DNAAF9: variants seen among roughly 807,000 people sequenced by gnomAD.
DNAAF9 encodes the protein shulin.
In DNAAF9, 90 loss-of-function variants were observed where a neutral mutation model predicts 167.0. The observed-to-expected ratio is 0.54, with a 90% CI of 0.45 to 0.64. DNAAF9 has a LOEUF of 0.64. DNAAF9 is among the 30% of genes least tolerant of loss of function. The probability of loss-of-function intolerance (pLI) is 0.00; values close to 1 mark genes in which losing one functional copy is unlikely to be tolerated. For missense variants in DNAAF9, 1,315 were observed against 1,442.2 expected, an observed-to-expected ratio of 0.91 and a Z score of 1.43; for synonymous variants, 491 against 508.8, an observed-to-expected ratio of 0.96 and a Z score of 0.47.
At chr20:3,299,058 G>A (rs1336394743) in intron 21 of DNAAF9, among the ~76,000 whole-genome samples, 1 of 149,770 alleles carries the variant, frequency 6.7e-6, no homozygotes, top group Non-Finnish European at 1.5e-5. Flanking sequence ...ACAGGTCCGT[G>A]CCACCATGCC....
intron 1 of DNAAF9, among the ~76,000 whole-genome samples, chr20:3,390,931 T>C (rs2083818088): frequency 6.6e-6 from 1 of 152,160 alleles, no homozygotes; most frequent in African/African-American, 2.4e-5. Context: ...AGTAGGCTGC[T>C]TTACTGCCAA....
chr20:3,275,718 T>C lies in DNAAF9; in HGVS notation c.2650+3194A>G, dbSNP rs138771170. 3.9e-5 allele frequency among the ~76,000 whole-genome samples: 6 copies of C among 152,320 alleles called. No homozygotes were observed. The East Asian group carries it at 9.6e-4, about 24-fold the overall frequency. Reference sequence around the variant, plus strand: ...CCATAGTGAGCGGTTCCACCTTGTTTGGGCCAGGAGCTTCCTTCTGTTCTG... The same window carrying C: ...CCATAGTGAGCGGTTCCACCTTGTTCGGGCCAGGAGCTTCCTTCTGTTCTG... On this transcript the variant is annotated intron_variant, in intron 29 of 36. Transcript: ENST00000252032.
At chr20:3,311,986 CTTTTT>C (rs775872212) in intron 20 of DNAAF9, among the ~76,000 whole-genome samples, 19 of 118,252 alleles carry the variant, frequency 1.6e-4, no homozygotes, top group Non-Finnish European at 9.3e-5. Context: ...TCTCTTTTTT[CTTTTT>C]TTTCTTTTTT....
intron 27 of DNAAF9, among the ~76,000 whole-genome samples, chr20:3,287,099 A>C (rs1434819979): frequency 6.6e-6 from 1 of 152,170 alleles, no homozygotes; most frequent in Non-Finnish European, 1.5e-5. Flanking sequence ...GCTTACAGAG[A>C]CTTCATGAGC....
Position 3,252,605 on chromosome 20 carries a change from C to G in DNAAF9, c.3501G>C (p.Gln1167His), listed in dbSNP as rs1404627700. 1 of 1,611,440 alleles carries G rather than the reference C, an allele frequency of 6.2e-7. No individual in the cohort carries two copies. The highest frequency in any genetic ancestry group is 2.2e-5 in the East Asian group (1 of 44,866). Residue 1167 changes from glutamine to histidine, a missense_variant, in exon 37 of 37, where the codon CAG (glutamine) becomes CAC (histidine). Gln to His is a conservative substitution (Grantham distance 24, BLOSUM62 0). Transcript: ENST00000252032. ...IEKYNQELEQ[Q>H]EYHDLFELKP is the part of the protein sequence containing the mutation. Reference sequence around the variant, plus strand: ...TCAGCTCAAAGAGGTCATGATACTCCTGCTGTTCCAGCTCCTGGTTATACT... The same window carrying G: ...TCAGCTCAAAGAGGTCATGATACTCGTGCTGTTCCAGCTCCTGGTTATACT...
At position 3,362,095 on chromosome 20, in the gene DNAAF9, T is replaced by C. The variant is rs181925750; in HGVS notation, c.613-2502A>G. ...TACAAATATTACAAAGGGGGGTGCTTCTGAGTATTTAGGTCCATATTCTAT... is the reference window on the plus strand; with the variant it reads ...TACAAATATTACAAAGGGGGGTGCTCCTGAGTATTTAGGTCCATATTCTAT... On this transcript the variant is annotated intron_variant, in intron 6 of 36. Coordinates refer to ENST00000252032, the MANE Select transcript of DNAAF9 (RefSeq NM_001009984.3). 9.2e-5 allele frequency: 129 copies of C among 1,397,354 alleles called. No individual in the cohort carries two copies. In the Middle Eastern group the frequency reaches 2.8e-3, roughly 30 times the overall value. 86.6% of individuals were successfully genotyped at this position (1,397,354 alleles called of 1,614,324 possible).
intron 16 of DNAAF9, 60 bp from the exon 17 acceptor site, chr20:3,318,460 A>C (rs1037562391): frequency 1.4e-5 from 12 of 830,578 alleles, no homozygotes; most frequent in Non-Finnish European, 2.5e-5. Flanking sequence ...AGAGAAGTCC[A>C]TAAGAATGAG....
At chr20:3,286,617 C>T (rs1457422305) in intron 27 of DNAAF9, among the ~76,000 whole-genome samples, 1 of 152,112 alleles carries the variant, frequency 6.6e-6, no homozygotes, top group African/African-American at 2.4e-5. Flanking sequence ...GACAAAAGGG[C>T]TGACAGAAGG....
intron 7 of DNAAF9, among the ~76,000 whole-genome samples, chr20:3,357,354 C>T (rs181809215): frequency 6.6e-6 from 1 of 152,304 alleles, no homozygotes; most frequent in African/African-American, 2.4e-5. Flanking sequence ...GCCTGTAATC[C>T]CAGCTACTTG....
At position 3,256,161 on chromosome 20, in the gene DNAAF9, T is replaced by C. The variant is rs1411491730; in HGVS notation, c.3106A>G (p.Ser1036Gly). 1 of 1,614,208 alleles carries C rather than the reference T, an allele frequency of 6.2e-7. No individual in the cohort carries two copies. Among genetic ancestry groups the C allele is most frequent in the Non-Finnish European group, 8.5e-7 (1 of 1,180,036 alleles). The change falls in exon 34 of 37, where the codon AGC becomes GGC. Residue 1036 changes from serine (S) to glycine (G), a missense_variant. Physicochemically the swap from Ser to Gly is moderately conservative, Grantham distance 56 (BLOSUM62 0). Coordinates refer to ENST00000252032, the MANE Select transcript of DNAAF9 (RefSeq NM_001009984.3). ...GGTCCTTCCAAAACTGGCATGATGC[T>C]CAAGGAGTTGGCCAGTGTGTTGTAG... ...VCYNTLANSLSIMPVLEGPTP... is the reference protein window; with the variant it reads ...VCYNTLANSLGIMPVLEGPTP...
At chr20:3,319,262 CAAAAAAAAAAAAAAA>C (rs57727958) in intron 16 of DNAAF9, among the ~76,000 whole-genome samples, 5,803 of 41,674 alleles carry the variant, frequency 0.14, 439 homozygotes, top group East Asian at 0.38. Flanking sequence ...GACCCCGTCT[CAAAAAAAAAAAAAAA>C]AAAAAAAAAA....
chr20:3,279,320 T>C (rs1331379372), intron 28 of DNAAF9, among the ~76,000 whole-genome samples: 1 of 152,212 alleles, frequency 6.6e-6, no homozygotes, highest in African/African-American at 2.4e-5. Flanking sequence ...CATCTAACTC[T>C]ACCAGGGGCC....
chr20:3,281,539 A>C, intron 28 of DNAAF9, 102 bp downstream of exon 28: 1 of 1,090,792 alleles, frequency 9.2e-7, no homozygotes, highest in Non-Finnish European at 1.3e-6. Flanking sequence ...AACAGCATTT[A>C]CTACATACAA....
chr20:3,407,468 C>A lies in DNAAF9; in HGVS notation c.83+7G>T. 3 of 1,311,758 alleles carry A rather than the reference C, an allele frequency of 2.3e-6. No homozygotes were observed. The highest frequency in any genetic ancestry group is 2.2e-5 in the South Asian group (1 of 45,368). The allele number at this position is 1,311,758 out of a possible 1,614,324, so 81.3% of individuals were successfully genotyped here. ...GGCCGCCCCTCGGCTGCCTCTGCCC[C>A]GCGTACCTGACGGAGGGTGACCCGC... On this transcript the variant is annotated splice_region_variant and intron_variant, in intron 1 of 36. Coordinates refer to ENST00000252032, the MANE Select transcript of DNAAF9 (RefSeq NM_001009984.3).
chr20:3,403,824 T>G (rs1168102383), intron 1 of DNAAF9, among the ~76,000 whole-genome samples: 1 of 152,052 alleles, frequency 6.6e-6, no homozygotes, highest in East Asian at 1.9e-4. Flanking sequence ...AATTAATCAA[T>G]TTATGTTTTT....
intron 23 of DNAAF9, 93 bp downstream of exon 23, chr20:3,296,768 G>GA (rs2069087561): frequency 1.2e-5 from 9 of 782,434 alleles, no homozygotes; most frequent in Admixed American, 2.2e-5. Flanking sequence ...CAGAAGCCAA[G>GA]ACCCCTGTGT....
intron 1 of DNAAF9, among the ~76,000 whole-genome samples, chr20:3,396,372 T>C (rs2083907059): frequency 6.6e-6 from 1 of 152,250 alleles, no homozygotes; most frequent in East Asian, 1.9e-4. Flanking sequence ...AACTCATTAA[T>C]TCATCAACTT....
intron 29 of DNAAF9, among the ~76,000 whole-genome samples, chr20:3,275,732 C>T (rs528816821): frequency 2.0e-5 from 3 of 152,302 alleles, no homozygotes; most frequent in African/African-American, 7.2e-5. Flanking sequence ...CCAGGAGCTT[C>T]CTTCTGTTCT....
At chr20:3,313,038 A>G (rs1246470396) in intron 20 of DNAAF9, among the ~76,000 whole-genome samples, 1 of 152,244 alleles carries the variant, frequency 6.6e-6, no homozygotes, top group East Asian at 1.9e-4. Flanking sequence ...ACAATGCAAG[A>G]CTATTTTTCT....
Sources: allele counts gnomAD v4.1 joint callset (sites outside exome capture counted in the v4.1 genomes callset), GRCh38; gene constraint gnomAD v4.1.1; transcripts MANE v1.5; gene names NCBI Gene and HGNC (gene_info 2026-07-23, HGNC 2026-07-21).